The following SOS2 variants were observed in gnomAD, a reference collection of about 807,000 sequenced individuals.
SOS2 encodes the protein SOS Ras/Rho guanine nucleotide exchange factor 2.
SOS2 carries 65 observed loss-of-function variants against 148.2 expected under a neutral mutation model. That is an observed-to-expected ratio of 0.44 (90% CI 0.36 to 0.54). SOS2 has a LOEUF of 0.54. Ranked by LOEUF, SOS2 falls within the 20% of genes least tolerant of loss-of-function variation. The pLI is 0.00. For missense variants in SOS2, 1,341 were observed against 1,590.2 expected (o/e 0.84, Z 2.67); for synonymous variants, 539 against 537.1 (o/e 1.00, Z -0.05).
intron 1 of SOS2, among the ~76,000 whole-genome samples, chr14:50,225,442 G>A (rs913135803): frequency 1.3e-5 from 2 of 152,204 alleles, no homozygotes; most frequent in East Asian, 1.9e-4. Context: ...CACAGGTAAT[G>A]CTTTGAATAC....
At chr14:50,185,272 G>A (rs1308522848) in intron 5 of SOS2, among the ~76,000 whole-genome samples, 1 of 152,094 alleles carries the variant, frequency 6.6e-6, no homozygotes, top group East Asian at 1.9e-4. Flanking sequence ...CTATTTAGAG[G>A]TAAATAATGT....
At chr14:50,220,180 C>CT (rs1887157069) in intron 1 of SOS2, among the ~76,000 whole-genome samples, 1 of 150,884 alleles carries the variant, frequency 6.6e-6, no homozygotes, top group Non-Finnish European at 1.5e-5. Flanking sequence ...GCGGGCAGAT[C>CT]ACGAGGTCAG....
At chr14:50,219,673 T>C (rs927124822) in intron 1 of SOS2, among the ~76,000 whole-genome samples, 2 of 152,222 alleles carry the variant, frequency 1.3e-5, no homozygotes, top group African/African-American at 4.8e-5. Context: ...TGTAAATATA[T>C]GTACTGTAAA....
intron 1 of SOS2, among the ~76,000 whole-genome samples, chr14:50,226,515 C>A (rs1887382347): frequency 6.6e-6 from 1 of 152,174 alleles, no homozygotes; most frequent in African/African-American, 2.4e-5. Context: ...CCCTACCGAT[C>A]TTTTTCCTTG....
chr14:50,150,315 G>T, intron 13 of SOS2, 85 bp from the exon 14 acceptor site: 3 of 947,950 alleles, frequency 3.2e-6, no homozygotes, highest in African/African-American at 1.6e-5. Context: ...CTTTCACCCA[G>T]CCTCAACAGT....
At chr14:50,167,712 A>C (rs1885210872) in intron 8 of SOS2, among the ~76,000 whole-genome samples, 1 of 152,022 alleles carries the variant, frequency 6.6e-6, no homozygotes, top group African/African-American at 2.4e-5. Context: ...CTATCAAACA[A>C]TACAAAAATT....
At chr14:50,140,830 A>G (rs1019953983) in intron 16 of SOS2, among the ~76,000 whole-genome samples, 7 of 152,198 alleles carry the variant, frequency 4.6e-5, no homozygotes, top group East Asian at 1.9e-4. Flanking sequence ...TGAGAGAATC[A>G]GCAATGCTGC....
intron 8 of SOS2, among the ~76,000 whole-genome samples, chr14:50,165,638 CTT>C (rs1415431562): frequency 3.3e-5 from 5 of 152,154 alleles, no homozygotes; most frequent in South Asian, 4.1e-4. Context: ...TTGTAAACAT[CTT>C]AATGCCTAGG....
At chr14:50,139,738 T>A (rs139106491) in intron 17 of SOS2, among the ~76,000 whole-genome samples, 1 of 152,308 alleles carries the variant, frequency 6.6e-6, no homozygotes, top group African/African-American at 2.4e-5. Context: ...GACAAAATAT[T>A]TTTAATCCTT....
At chr14:50,171,021 G>C (rs1378191339) in intron 8 of SOS2, among the ~76,000 whole-genome samples, 1 of 151,850 alleles carries the variant, frequency 6.6e-6, no homozygotes, top group African/African-American at 2.4e-5. Flanking sequence ...AGCTGAGGCA[G>C]GAGAATCGCT....
chr14:50,190,540 A>C (rs899113063), intron 4 of SOS2, among the ~76,000 whole-genome samples: 2 of 152,198 alleles, frequency 1.3e-5, no homozygotes, highest in Non-Finnish European at 2.9e-5. Flanking sequence ...CCACTAAACA[A>C]TCACCATCTC....
rs148162190 is a variant in SOS2, at chr14:50,138,357, C to T, written c.2958+255G>A. The stretch of plus-strand genomic sequence containing the variant: ...TATATTTTTAGTAGAGACGGGGTTT[C>T]GCCATGCTGCCCAGGCTGGTCTCCA... On this transcript the variant is annotated intron_variant, in intron 18 of 22. Coordinates refer to ENST00000216373, the MANE Select transcript of SOS2 (RefSeq NM_006939.4). Among the ~76,000 whole-genome samples, 1,278 of 151,948 alleles carry T rather than the reference C, an allele frequency of 8.4e-3. 19 individuals are homozygous for T. Among genetic ancestry groups the T allele is most frequent in the African/African-American group, 0.03 (1,232 of 41,408 alleles).
At chr14:50,167,029 G>C (rs1021864794) in intron 8 of SOS2, among the ~76,000 whole-genome samples, 1 of 151,822 alleles carries the variant, frequency 6.6e-6, no homozygotes, top group East Asian at 1.9e-4. Context: ...GCAACATAGC[G>C]AGACTCCCTC....
intron 19 of SOS2, 65 bp from the exon 20 acceptor site, chr14:50,130,827 A>G: frequency 7.1e-7 from 1 of 1,414,194 alleles, no homozygotes; most frequent in South Asian, 1.4e-5. Context: ...TCTGTGACTT[A>G]GAGCTACCTT....
chr14:50,148,589 A>C (rs1337415063), intron 14 of SOS2, among the ~76,000 whole-genome samples: 1 of 152,138 alleles, frequency 6.6e-6, no homozygotes, highest in African/African-American at 2.4e-5. Flanking sequence ...TACCTCAAGT[A>C]ACAAGTCCCT....
Position 50,173,410 on chromosome 14 carries a change from G to C in SOS2, c.1068+1044C>G, listed in dbSNP as rs113799604. On this transcript the variant is annotated intron_variant, in intron 8 of 22. Coordinates refer to ENST00000216373, the MANE Select transcript of SOS2 (RefSeq NM_006939.4). ...CTACTACCCACAGCATTTGATGCTG[G>C]AGGTAGCCAGCTTTTTTTTTTATTT... is the stretch of plus-strand genomic sequence containing the variant. 4.9e-3 allele frequency among the ~76,000 whole-genome samples: 746 copies of C among 152,044 alleles called. 3 individuals carry two copies. The highest frequency in any genetic ancestry group is 7.8e-3 in the Admixed American group (119 of 15,254).
chr14:50,146,069 G>A (rs1276059229), intron 14 of SOS2, among the ~76,000 whole-genome samples: 5 of 149,606 alleles, frequency 3.3e-5, no homozygotes, highest in African/African-American at 1.2e-4. Context: ...GGAGATGGAG[G>A]TTGTGGTGAG....
intron 5 of SOS2, among the ~76,000 whole-genome samples, chr14:50,185,954 T>G (rs1885895472): frequency 6.6e-6 from 1 of 152,056 alleles, no homozygotes; most frequent in Admixed American, 6.6e-5. Context: ...TATCACACAT[T>G]TGGTCTGCTA....
At position 50,134,093 on chromosome 14, in the gene SOS2, C is replaced by T. The variant is rs140416198; in HGVS notation, c.3075+30G>A. The T allele has an allele frequency of 9.7e-6, 10 of 1,035,500 alleles. No individual in the cohort carries two copies. The East Asian group carries it at 2.4e-4, about 25-fold the overall frequency. The allele number at this position is 1,035,500 out of a possible 1,614,324, so 64.1% of individuals were successfully genotyped here. On this transcript the variant is annotated intron_variant, in intron 19 of 22. Transcript: ENST00000216373. ...GAAAATAATATTTTAAAAAACAGAA[C>T]ACTTGTTCCCGAAATTATAAAAGAC...
Sources: gnomAD v4.1 joint callset for allele counts (sites outside exome capture counted in the v4.1 genomes callset) on GRCh38, gnomAD v4.1.1 for gene constraint, MANE v1.5 for transcripts, NCBI Gene and HGNC (gene_info 2026-07-23, HGNC 2026-07-21) for gene names.